The following AFG2A variants were observed in gnomAD, a reference collection of about 807,000 sequenced individuals.
AFG2A encodes the protein AAA ATPase AFG2A.
At chr4:123,256,606 G>T in the AFG2A span, 3 of 697,794 alleles carry the variant, frequency 4.3e-6, no homozygotes, top group Non-Finnish European at 5.3e-6. Context: ...AGGATATCAT[G>T]AGTATAAAGG....
chr4:123,177,779 TTGCCCTTTCCAG>T, the AFG2A span, among the ~76,000 whole-genome samples: 3 of 152,180 alleles, frequency 2.0e-5, no homozygotes, highest in African/African-American at 7.2e-5. Context: ...ATGCTTTACT[TTGCCCTTTCCAG>T]TGCCCTTTCC....
At chr4:123,230,595 A>T in the AFG2A span, among the ~76,000 whole-genome samples, 3 of 151,916 alleles carry the variant, frequency 2.0e-5, no homozygotes, top group Admixed American at 6.6e-5. Context: ...ACCTCCCCTG[A>T]ATCATGAATT....
chr4:122,945,391 T>C, the AFG2A span, among the ~76,000 whole-genome samples: 5 of 152,316 alleles, frequency 3.3e-5, no homozygotes, highest in African/African-American at 1.2e-4. Flanking sequence ...TGCAGTTTGA[T>C]CTCAGACTGC....
the AFG2A span, among the ~76,000 whole-genome samples, chr4:122,962,680 C>T: frequency 2.0e-5 from 3 of 152,254 alleles, no homozygotes; most frequent in South Asian, 4.1e-4. Context: ...CTAATTAAAA[C>T]AATCACAAAA....
chr4:123,077,345 C>A, the AFG2A span, among the ~76,000 whole-genome samples: 1 of 152,038 alleles, frequency 6.6e-6, no homozygotes, highest in Non-Finnish European at 1.5e-5. Flanking sequence ...CCGTGCCTGG[C>A]CCCTTTTTTT....
chr4:123,179,338 C>G, the AFG2A span, among the ~76,000 whole-genome samples: 1 of 147,426 alleles, frequency 6.8e-6, no homozygotes, highest in Non-Finnish European at 1.5e-5. Context: ...TACTTACTTA[C>G]TTATATATGT....
the AFG2A span, among the ~76,000 whole-genome samples, chr4:123,257,813 A>G: frequency 1.1e-4 from 17 of 152,356 alleles, no homozygotes; most frequent in South Asian, 2.3e-3. Flanking sequence ...GCAGTTAGCA[A>G]GATATAAATA....
chr4:123,311,514 C>A, the AFG2A span, among the ~76,000 whole-genome samples: 1 of 151,442 alleles, frequency 6.6e-6, no homozygotes, highest in Non-Finnish European at 1.5e-5. Context: ...GTAGTCCCAG[C>A]TACTCAGGAG....
the AFG2A span, among the ~76,000 whole-genome samples, chr4:123,198,981 A>G: frequency 1.3e-5 from 2 of 152,208 alleles, no homozygotes; most frequent in African/African-American, 4.8e-5. Context: ...GACTTGAGGC[A>G]CAATAGTACT....
the AFG2A span, among the ~76,000 whole-genome samples, chr4:123,111,956 C>CA: frequency 6.6e-6 from 1 of 152,132 alleles, no homozygotes; most frequent in Non-Finnish European, 1.5e-5. Context: ...CTCCTGACCT[C>CA]AGGTGATCCG....
chr4:122,958,389 G>A, the AFG2A span, among the ~76,000 whole-genome samples: 2 of 152,166 alleles, frequency 1.3e-5, no homozygotes, highest in African/African-American at 4.8e-5. Flanking sequence ...GCATATATGG[G>A]TAGTTAAGGC....
At chr4:123,163,636 A>G in the AFG2A span, among the ~76,000 whole-genome samples, 3 of 152,340 alleles carry the variant, frequency 2.0e-5, no homozygotes, top group Non-Finnish European at 4.4e-5. Context: ...TGTATTTTAC[A>G]GACTTACGTG....
the AFG2A span, among the ~76,000 whole-genome samples, chr4:123,192,567 T>C: frequency 6.6e-6 from 1 of 152,170 alleles, no homozygotes; most frequent in East Asian, 1.9e-4. Flanking sequence ...TTTTAAGTGC[T>C]CCATAGCCAC....
chr4:123,058,428 T>C, the AFG2A span, among the ~76,000 whole-genome samples: 1 of 152,120 alleles, frequency 6.6e-6, no homozygotes, highest in Non-Finnish European at 1.5e-5. Flanking sequence ...AGTTTGAGAC[T>C]AGCCTGGCCC....
chr4:123,128,172 C>A, the AFG2A span, among the ~76,000 whole-genome samples: 1 of 152,278 alleles, frequency 6.6e-6, no homozygotes, highest in Admixed American at 6.5e-5. Flanking sequence ...AAATGATACC[C>A]TTAAACCCTT....
At chr4:123,227,189 G>GT in the AFG2A span, among the ~76,000 whole-genome samples, 2 of 152,156 alleles carry the variant, frequency 1.3e-5, no homozygotes, top group African/African-American at 2.4e-5. Context: ...TTTTTGAAAG[G>GT]TTTTTTGTGT....
At chr4:123,105,207 C>G in the AFG2A span, among the ~76,000 whole-genome samples, 1 of 152,174 alleles carries the variant, frequency 6.6e-6, no homozygotes, top group Non-Finnish European at 1.5e-5. Context: ...GTTAAGTCTA[C>G]TCTGCCTGTG....
the AFG2A span, among the ~76,000 whole-genome samples, chr4:123,112,306 A>G: frequency 1.9e-3 from 286 of 152,282 alleles, 1 homozygote; most frequent in South Asian, 5.2e-3. Context: ...ATAAAGAAAA[A>G]CAAAAATAAT....
chr4:123,233,279 G>A, the AFG2A span, among the ~76,000 whole-genome samples: 7 of 147,088 alleles, frequency 4.8e-5, no homozygotes, highest in South Asian at 2.2e-4. Flanking sequence ...ACACACACAC[G>A]CACACACACA....
Sources: allele counts gnomAD v4.1 joint callset (sites outside exome capture counted in the v4.1 genomes callset), GRCh38; gene constraint gnomAD v4.1.1; transcripts MANE v1.5; gene names NCBI Gene and HGNC (gene_info 2026-07-23, HGNC 2026-07-21).